TRDMT1: variants seen among roughly 807,000 people sequenced by gnomAD.
TRDMT1 encodes tRNA (cytosine(38)-C(5))-methyltransferase.
Under a neutral mutation model 51.2 loss-of-function variants are expected in TRDMT1, and 49 were observed. The ratio of observed to expected loss-of-function variants is 0.96; its 90% confidence interval spans 0.76 to 1.21. The LOEUF (loss-of-function observed/expected upper bound fraction) is 1.21. TRDMT1 is among the 50% of genes most tolerant of loss of function. The pLI is 0.00. For synonymous variants in TRDMT1, 187 were observed against 164.6 expected (o/e 1.14, Z -1.04); for missense variants, 534 against 462.3 (o/e 1.16, Z -1.42).
chr10:17,180,010 C>T (rs1843079925), intron 1 of TRDMT1, among the ~76,000 whole-genome samples: 1 of 152,156 alleles, frequency 6.6e-6, no homozygotes, highest in Admixed American at 6.5e-5. Context: ...AGCCCTGATA[C>T]TCTATGAGCA....
At chr10:17,151,917 T>C in intron 10 of TRDMT1, 1 of 1,134,180 alleles carries the variant, frequency 8.8e-7, no homozygotes, top group Non-Finnish European at 1.1e-6. Flanking sequence ...ACGGTTAAGG[T>C]GGGGCTGGGA....
intron 2 of TRDMT1, chr10:17,169,576 C>G (rs1588581853): frequency 7.9e-7 from 1 of 1,270,372 alleles, no homozygotes; most frequent in East Asian, 5.6e-5. Flanking sequence ...AAGCACACGT[C>G]AGGGGTTTGC....
intron 10 of TRDMT1, chr10:17,153,158 T>G: frequency 2.6e-6 from 1 of 390,468 alleles, no homozygotes. Context: ...CAAGCTCTAG[T>G]GTGGGGTGAT....
At chr10:17,186,116 T>TA (rs1196142012) in intron 1 of TRDMT1, among the ~76,000 whole-genome samples, 1 of 151,912 alleles carries the variant, frequency 6.6e-6, no homozygotes, top group Non-Finnish European at 1.5e-5. Flanking sequence ...GAGCATCAAT[T>TA]AACAGTCAAT....
At chr10:17,197,699 C>A (rs1458652017) in intron 1 of TRDMT1, among the ~76,000 whole-genome samples, 1 of 152,054 alleles carries the variant, frequency 6.6e-6, no homozygotes, top group Non-Finnish European at 1.5e-5. Context: ...ACAGACACTT[C>A]TCTGTATTGA....
intron 10 of TRDMT1, chr10:17,152,142 G>T: frequency 8.2e-7 from 1 of 1,217,890 alleles, no homozygotes. Flanking sequence ...AAGCAGACTA[G>T]GAATGAGAAT....
chr10:17,201,571 C>G lies in TRDMT1; in HGVS notation c.64G>C (p.Glu22Gln). The G allele has an allele frequency of 6.5e-7, 1 of 1,549,860 alleles. No individual in the cohort carries two copies. The highest frequency in any genetic ancestry group is 8.7e-7 in the Non-Finnish European group (1 of 1,146,232). The change falls in exon 1 of 11, where the codon GAA becomes CAA. Residue 22 changes from glutamate (E) to glutamine (Q), a missense_variant and splice_region_variant. By Grantham distance (29) the Glu-to-Gln change is conservative. Transcript: ENST00000377799. Reference protein sequence around the residue: ...GVGGMHHALRESCIPAQVVAA... With the variant: ...GVGGMHHALRQSCIPAQVVAA... ...AGAGGGGTGCTAGATGGACTCTCAC[C>G]TCTCAGCGCGTGGTGCATGCCGCCC...
chr10:17,155,936 A>C (rs1839430980), intron 8 of TRDMT1, among the ~76,000 whole-genome samples: 1 of 152,216 alleles, frequency 6.6e-6, no homozygotes, highest in Non-Finnish European at 1.5e-5. Flanking sequence ...AAAATTGCTA[A>C]GTCTTATTTT....
At position 17,156,103 on chromosome 10, in the gene TRDMT1, G is replaced by C. The variant is rs1213454068; in HGVS notation, c.887+1338C>G. On this transcript the variant is annotated intron_variant, in intron 8 of 10. Transcript: ENST00000377799. ...TCTGGTATGGTTCTACTGGGGTACA[G>C]TGTATCATACAAGATATTAATAGCT... is the stretch of plus-strand genomic sequence containing the variant. Among the ~76,000 whole-genome samples the C allele has an allele frequency of 3.3e-5, 5 of 152,136 alleles. No homozygotes were observed. The East Asian group carries it at 5.8e-4, about 18-fold the overall frequency.
In TRDMT1 at chr10:17,168,935, AG is replaced by A. The variant is rs765132883; in HGVS notation, c.175-19del. ...GTAATGCCCTGAGGAATGAACATTT[AG>A]GGGGAAAAAAGAACATAAAAACATG... On this transcript the variant is annotated intron_variant, in intron 2 of 10. Coordinates refer to ENST00000377799, the MANE Select transcript of TRDMT1 (RefSeq NM_004412.7). 1.4e-5 allele frequency: 21 copies of A among 1,549,022 alleles called. No individual in the cohort carries two copies. Among genetic ancestry groups the A allele is most frequent in the Non-Finnish European group, 1.7e-5 (19 of 1,133,568 alleles).
intron 1 of TRDMT1, among the ~76,000 whole-genome samples, chr10:17,180,768 T>G (rs773171082): frequency 9.2e-5 from 14 of 152,134 alleles, no homozygotes; most frequent in Non-Finnish European, 1.9e-4. Flanking sequence ...CTCTTCCCAT[T>G]TCAAACTACC....
chr10:17,150,878 G>A (rs1179297076), intron 10 of TRDMT1: 4 of 985,244 alleles, frequency 4.1e-6, no homozygotes, highest in Non-Finnish European at 4.8e-6. Context: ...AGGTACAAAT[G>A]TACCTACAAA....
Position 17,138,448 on chromosome 10 carries a change from A to C in TRDMT1, c.*10592T>G, listed in dbSNP as rs569340899. Among the ~76,000 whole-genome samples the C allele has an allele frequency of 6.6e-6, 1 of 152,246 alleles. No homozygotes were observed. The highest frequency in any genetic ancestry group is 1.5e-5 in the Non-Finnish European group (1 of 68,048). On this transcript the variant is annotated 3_prime_UTR_variant, in exon 11 of 11. Coordinates refer to ENST00000377799, the MANE Select transcript of TRDMT1 (RefSeq NM_004412.7). Reference sequence around the variant, plus strand: ...TTTCCATGAAGGATTACATAAAATAATGATGGAAATCAAGGTACATTTAAA... The same window carrying C: ...TTTCCATGAAGGATTACATAAAATACTGATGGAAATCAAGGTACATTTAAA...
intron 1 of TRDMT1, among the ~76,000 whole-genome samples, chr10:17,180,190 G>A (rs995636699): frequency 1.3e-5 from 2 of 152,070 alleles, no homozygotes; most frequent in South Asian, 4.1e-4. Context: ...TAGATACTAC[G>A]TTTAAAATAA....
chr10:17,167,729 T>C (rs1018690298), intron 3 of TRDMT1, among the ~76,000 whole-genome samples: 1 of 152,200 alleles, frequency 6.6e-6, no homozygotes, highest in Non-Finnish European at 1.5e-5. Context: ...AAATGTAAAG[T>C]TCACAAGTGC....
intron 1 of TRDMT1, among the ~76,000 whole-genome samples, chr10:17,191,260 G>C (rs898325249): frequency 5.9e-5 from 9 of 152,184 alleles, no homozygotes; most frequent in Non-Finnish European, 1.0e-4. Flanking sequence ...GGTCGGAGAA[G>C]CTCCTCAGGA....
At chr10:17,153,348 A>AGGG (rs1426691383) in intron 10 of TRDMT1, 159 bp downstream of exon 10, 6 of 786,934 alleles carry the variant, frequency 7.6e-6, no homozygotes, top group African/African-American at 1.7e-5. Context: ...GGCAGTTATG[A>AGGG]GGGGAAAGAG....
intron 1 of TRDMT1, among the ~76,000 whole-genome samples, chr10:17,183,710 C>A (rs1319715707): frequency 6.6e-6 from 1 of 152,158 alleles, no homozygotes; most frequent in Non-Finnish European, 1.5e-5. Flanking sequence ...AGCCACCGCA[C>A]CTGGCAAGAA....
intron 1 of TRDMT1, among the ~76,000 whole-genome samples, chr10:17,178,350 TAGTAA>T (rs1842865893): frequency 6.6e-6 from 1 of 152,144 alleles, no homozygotes; most frequent in African/African-American, 2.4e-5. Context: ...TTATCACTAT[TAGTAA>T]AGTATATTGT....
Sources: gnomAD v4.1 joint callset for allele counts (sites outside exome capture counted in the v4.1 genomes callset) on GRCh38, gnomAD v4.1.1 for gene constraint, MANE v1.5 for transcripts, NCBI Gene and HGNC (gene_info 2026-07-23, HGNC 2026-07-21) for gene names.